The following CEP70 variants were observed in gnomAD, a reference collection of about 807,000 sequenced individuals.
CEP70 encodes centrosomal protein of 70 kDa.
In CEP70, 70 loss-of-function variants were observed where a neutral mutation model predicts 90.9. That is an observed-to-expected ratio of 0.77 (90% CI 0.64 to 0.94). The LOEUF is 0.94. CEP70 is among the 40% of genes least tolerant of loss of function. The probability of loss-of-function intolerance (pLI) is 0.00; values close to 1 mark genes in which losing one functional copy is unlikely to be tolerated. For synonymous variants in CEP70, 220 were observed against 228.3 expected, an observed-to-expected ratio of 0.96 and a Z score of 0.33; for missense variants, 648 against 669.0, an observed-to-expected ratio of 0.97 and a Z score of 0.35.
At chr3:138,511,682 G>A (rs148970418) in intron 11 of CEP70, among the ~76,000 whole-genome samples, 2 of 152,306 alleles carry the variant, frequency 1.3e-5, no homozygotes, top group East Asian at 3.9e-4. Flanking sequence ...AATAATGACA[G>A]TAACTACAAC....
intron 2 of CEP70, among the ~76,000 whole-genome samples, chr3:138,584,896 A>G (rs570423921): frequency 2.3e-3 from 345 of 152,276 alleles, no homozygotes; most frequent in Non-Finnish European, 3.9e-3. Flanking sequence ...AGAACAGAAC[A>G]AGGATAAAAA....
chr3:138,512,067 G>A (rs1331576759), intron 11 of CEP70, among the ~76,000 whole-genome samples: 9 of 152,168 alleles, frequency 5.9e-5, no homozygotes, highest in Non-Finnish European at 4.4e-5. Flanking sequence ...GATTGCCTCA[G>A]GATATATTAA....
chr3:138,512,086 A>C (rs2035588542), intron 11 of CEP70, among the ~76,000 whole-genome samples: 1 of 152,226 alleles, frequency 6.6e-6, no homozygotes, highest in South Asian at 2.1e-4. Flanking sequence ...AAAAATGCAC[A>C]GACAACAAAG....
intron 2 of CEP70, among the ~76,000 whole-genome samples, chr3:138,577,437 A>G (rs1214692117): frequency 6.6e-6 from 1 of 152,068 alleles, no homozygotes; most frequent in Non-Finnish European, 1.5e-5. Context: ...TCACGAAGTC[A>G]GGAGATCAAG....
At chr3:138,528,301 C>A (rs932849063) in intron 10 of CEP70, among the ~76,000 whole-genome samples, 3 of 152,120 alleles carry the variant, frequency 2.0e-5, no homozygotes, top group Non-Finnish European at 4.4e-5. Context: ...GCCTCAGCCT[C>A]CTGAAGTGCT....
At chr3:138,547,480 C>A (rs1036451784) in intron 6 of CEP70, among the ~76,000 whole-genome samples, 1 of 152,188 alleles carries the variant, frequency 6.6e-6, no homozygotes, top group African/African-American at 2.4e-5. Context: ...GCATTAATTT[C>A]TTTTTCCTTT....
intron 11 of CEP70, among the ~76,000 whole-genome samples, chr3:138,511,026 T>TTTGTTG (rs34388430): frequency 2.2e-4 from 33 of 150,480 alleles, no homozygotes; most frequent in African/African-American, 6.4e-4. Context: ...ATGCCCAGTT[T>TTTGTTG]TTGTTGTTGT....
chr3:138,567,105 A>T (rs1223848822), intron 6 of CEP70, among the ~76,000 whole-genome samples: 1 of 152,206 alleles, frequency 6.6e-6, no homozygotes, highest in Admixed American at 6.5e-5. Flanking sequence ...GCTGAATGAA[A>T]AAAACTGAAT....
At chr3:138,557,249 A>C (rs1480047204) in intron 6 of CEP70, among the ~76,000 whole-genome samples, 1 of 152,152 alleles carries the variant, frequency 6.6e-6, no homozygotes, top group African/African-American at 2.4e-5. Context: ...TTCCCTGAAC[A>C]TTGCTGTTAT....
Position 138,591,842 on chromosome 3 carries a change from C to G in CEP70, c.-6+12G>C. 1 of 1,532,228 alleles carries G rather than the reference C, an allele frequency of 6.5e-7. No individual in the cohort carries two copies. Among genetic ancestry groups the G allele is most frequent in the Non-Finnish European group, 8.7e-7 (1 of 1,144,632 alleles). 94.9% of individuals were successfully genotyped at this position (1,532,228 alleles called of 1,614,324 possible). A position where few individuals can be genotyped will look rare whatever the true frequency, so the allele number is the denominator to read the frequency against. ...TCCCAACATCTGGAGTCATCCGTTA[C>G]ATTAGACATACCTCAGTCATAGCAT... On this transcript the variant is annotated intron_variant, in intron 2 of 17. Transcript: ENST00000264982.
intron 10 of CEP70, among the ~76,000 whole-genome samples, chr3:138,527,419 G>A (rs975471689): frequency 1.3e-5 from 2 of 151,638 alleles, no homozygotes; most frequent in Non-Finnish European, 1.5e-5. Flanking sequence ...TTTGTAGGCC[G>A]GGCACGGTGG....
intron 2 of CEP70, among the ~76,000 whole-genome samples, chr3:138,574,506 G>C (rs1271714855): frequency 2.0e-5 from 3 of 152,336 alleles, no homozygotes; most frequent in African/African-American, 7.2e-5. Flanking sequence ...CTCCACCTCT[G>C]GGGGCAGGGC....
At chr3:138,536,767 AT>A (rs903891253) in intron 7 of CEP70, among the ~76,000 whole-genome samples, 25 of 150,360 alleles carry the variant, frequency 1.7e-4, no homozygotes, top group Admixed American at 3.3e-4. Flanking sequence ...ATCAATGATG[AT>A]TTTTTTTTCC....
intron 7 of CEP70, among the ~76,000 whole-genome samples, chr3:138,536,212 A>T (rs2038254863): frequency 6.6e-6 from 1 of 152,160 alleles, no homozygotes; most frequent in African/African-American, 2.4e-5. Context: ...TAATATCCAT[A>T]CTACTTATAT....
chr3:138,570,279 TACTAACTA>T (rs745961896), intron 6 of CEP70, 31 bp downstream of exon 6: 9 of 1,369,980 alleles, frequency 6.6e-6, no homozygotes, highest in African/African-American at 1.5e-5. Context: ...GCTGTTTTAG[TACTAACTA>T]ACCATCATCT....
Position 138,504,841 on chromosome 3 carries a change from C to CAGAAAATAAAGTGTGAAGAGAG in CEP70, c.1221+432_1221+453dup, listed in dbSNP as rs1175427407. On this transcript the variant is annotated intron_variant, in intron 13 of 17. Coordinates refer to ENST00000264982, the MANE Select transcript of CEP70 (RefSeq NM_024491.4). ...TGGAGATAAGCTCAGTTCTGAGAGA[C>CAGAAAATAAAGTGTGAAGAGAG]AGAAAATAAAGTGTGAAGAGAGAGA... Among the ~76,000 whole-genome samples the CAGAAAATAAAGTGTGAAGAGAG allele has an allele frequency of 3.3e-5, 5 of 151,826 alleles. No homozygotes were observed. The East Asian group carries it at 7.7e-4, about 23-fold the overall frequency.
At chr3:138,517,265 T>C (rs1235513067) in intron 11 of CEP70, among the ~76,000 whole-genome samples, 3 of 152,194 alleles carry the variant, frequency 2.0e-5, no homozygotes, top group Non-Finnish European at 4.4e-5. Context: ...TAGAAATTGC[T>C]CTTAAACTGT....
chr3:138,521,014 T>G (rs2036566346), intron 11 of CEP70, among the ~76,000 whole-genome samples: 1 of 152,184 alleles, frequency 6.6e-6, no homozygotes, highest in South Asian at 2.1e-4. Flanking sequence ...TTCGCCATGT[T>G]GGCCGGGCTG....
intron 6 of CEP70, among the ~76,000 whole-genome samples, chr3:138,569,004 A>C (rs1305041183): frequency 1.4e-4 from 21 of 151,224 alleles, no homozygotes; most frequent in Non-Finnish European, 2.9e-4. Flanking sequence ...CAAAAAAAAA[A>C]CACAAAAAAA....
Sources: allele counts gnomAD v4.1 joint callset (sites outside exome capture counted in the v4.1 genomes callset), GRCh38; gene constraint gnomAD v4.1.1; transcripts MANE v1.5; gene names NCBI Gene and HGNC (gene_info 2026-07-23, HGNC 2026-07-21).